ST3GAL6: variants seen among roughly 807,000 people sequenced by gnomAD.
The protein encoded by ST3GAL6 is type 2 lactosamine alpha-2,3-sialyltransferase.
ST3GAL6 carries 31 observed loss-of-function variants against 40.5 expected under a neutral mutation model. The ratio of observed to expected loss-of-function variants is 0.77; its 90% CI spans 0.58 to 1.03. The LOEUF (loss-of-function observed/expected upper bound fraction) is 1.03. Ranked by LOEUF, ST3GAL6 falls within the 50% of genes least tolerant of loss-of-function variation. The pLI is 0.00. For missense variants in ST3GAL6, 357 were observed against 393.2 expected (o/e 0.91, Z 0.78); for synonymous variants, 129 against 136.9 (o/e 0.94, Z 0.40).
chr3:98,782,682 C>T, intron 5 of ST3GAL6: 1 of 444,058 alleles, frequency 2.3e-6, no homozygotes, highest in Admixed American at 3.3e-5. Context: ...TACCATATTG[C>T]TGGTATTTCA....
At chr3:98,763,740 A>G (rs903830833) in intron 1 of ST3GAL6, among the ~76,000 whole-genome samples, 3 of 152,004 alleles carry the variant, frequency 2.0e-5, no homozygotes, top group East Asian at 1.9e-4. Flanking sequence ...GACTAAAAAA[A>G]AAAAAAAAAA....
At chr3:98,759,875 C>A (rs1937606164), upstream of ST3GAL6, among the ~76,000 whole-genome samples, 2 of 152,138 alleles carry the variant, frequency 1.3e-5, no homozygotes, top group South Asian at 4.2e-4. Flanking sequence ...TACATATTTT[C>A]CCTCAAAAAT....
At chr3:98,770,780 C>T in intron 2 of ST3GAL6, 99 bp from the exon 3 acceptor site, 2 of 992,926 alleles carry the variant, frequency 2.0e-6, no homozygotes, top group East Asian at 2.4e-5. Flanking sequence ...TGCCACAGAA[C>T]CTCTCAGTGG....
chr3:98,790,154 G>C (rs554937612), intron 8 of ST3GAL6, among the ~76,000 whole-genome samples: 1 of 152,264 alleles, frequency 6.6e-6, no homozygotes, highest in Admixed American at 6.5e-5. Context: ...GCAATAGTTG[G>C]AAGATGATAT....
intron 1 of ST3GAL6, among the ~76,000 whole-genome samples, chr3:98,740,104 G>A (rs1350310411): frequency 1.3e-5 from 2 of 152,066 alleles, no homozygotes; most frequent in East Asian, 3.9e-4. Flanking sequence ...ATAAATAATT[G>A]GATTTTTTGA....
upstream of ST3GAL6, among the ~76,000 whole-genome samples, chr3:98,761,367 G>A (rs1055722613): frequency 1.3e-5 from 2 of 152,162 alleles, no homozygotes; most frequent in Admixed American, 1.3e-4. Flanking sequence ...CAGCACTTTG[G>A]GAGGCCGAGG....
chr3:98,764,464 C>T (rs1311119836), intron 1 of ST3GAL6, among the ~76,000 whole-genome samples: 1 of 152,148 alleles, frequency 6.6e-6, no homozygotes, highest in Non-Finnish European at 1.5e-5. Flanking sequence ...GTATTATAAG[C>T]TTTACCTCCA....
chr3:98,775,119 A>G (rs1939398714), intron 5 of ST3GAL6, among the ~76,000 whole-genome samples: 2 of 152,174 alleles, frequency 1.3e-5, no homozygotes, highest in Admixed American at 6.5e-5. Context: ...TACACTTGGT[A>G]AATGCCAGAC....
chr3:98,752,461 T>A (rs1252282931), intron 1 of ST3GAL6, among the ~76,000 whole-genome samples: 1 of 151,812 alleles, frequency 6.6e-6, no homozygotes, highest in African/African-American at 2.4e-5. Flanking sequence ...TCTTTCTTTT[T>A]AAATTTTATT....
At chr3:98,734,622 G>T (rs1031374444) in intron 1 of ST3GAL6, among the ~76,000 whole-genome samples, 4 of 152,162 alleles carry the variant, frequency 2.6e-5, no homozygotes, top group Admixed American at 2.0e-4. Context: ...AAATGGGACT[G>T]CAATTTTGAC....
At chr3:98,753,669 A>G (rs142600528) in intron 1 of ST3GAL6, among the ~76,000 whole-genome samples, 1 of 152,334 alleles carries the variant, frequency 6.6e-6, no homozygotes, top group East Asian at 1.9e-4. Context: ...AACCCTTACA[A>G]ATTATGCTAA....
intron 1 of ST3GAL6, among the ~76,000 whole-genome samples, chr3:98,750,563 CT>C (rs34993293): frequency 0.12 from 17,580 of 142,636 alleles, 1,109 homozygotes; most frequent in Middle Eastern, 0.18. Flanking sequence ...CACTGGCATT[CT>C]TTTTTTTTTT....
intron 3 of ST3GAL6, chr3:98,772,285 A>T (rs1210815568): frequency 2.0e-5 from 3 of 152,600 alleles, no homozygotes; most frequent in Non-Finnish European, 4.4e-5. Flanking sequence ...AATTTGGAGA[A>T]GCTCTTCTGG....
intron 1 of ST3GAL6, among the ~76,000 whole-genome samples, chr3:98,741,793 C>T (rs1936111350): frequency 6.6e-6 from 1 of 152,054 alleles, no homozygotes; most frequent in Non-Finnish European, 1.5e-5. Context: ...GCTGTTGTCA[C>T]CAGAATATGA....
At chr3:98,753,406 A>G (rs72932625) in intron 1 of ST3GAL6, among the ~76,000 whole-genome samples, 128 of 152,358 alleles carry the variant, frequency 8.4e-4, no homozygotes, top group African/African-American at 3.0e-3. Flanking sequence ...AGTGTTAAAG[A>G]AGAGGCTGCA....
intron 5 of ST3GAL6, among the ~76,000 whole-genome samples, chr3:98,784,137 G>C (rs1007058944): frequency 1.3e-5 from 2 of 152,204 alleles, no homozygotes; most frequent in Admixed American, 6.5e-5. Context: ...GAGGGCCCTG[G>C]AAGGATAGCC....
upstream of ST3GAL6, chr3:98,762,769 G>C (rs1465031825): frequency 1.0e-6 from 1 of 983,200 alleles, no homozygotes; most frequent in African/African-American, 1.8e-5. Flanking sequence ...TCAAAGTGTG[G>C]GCTTTGAAAT....
chr3:98,752,533 G>A (rs1443501814), intron 1 of ST3GAL6, among the ~76,000 whole-genome samples: 2 of 151,804 alleles, frequency 1.3e-5, no homozygotes, highest in African/African-American at 2.4e-5. Flanking sequence ...GCGCAGTGAC[G>A]CCATCTTGGC....
At chr3:98,766,681 A>G (rs1282189382) in intron 1 of ST3GAL6, among the ~76,000 whole-genome samples, 1 of 152,150 alleles carries the variant, frequency 6.6e-6, no homozygotes, top group African/African-American at 2.4e-5. Context: ...TCAGCCTCCC[A>G]AAGTGCTGGG....
Sources: gnomAD v4.1 joint callset for allele counts (sites outside exome capture counted in the v4.1 genomes callset) on GRCh38, gnomAD v4.1.1 for gene constraint, MANE v1.5 for transcripts, NCBI Gene and HGNC (gene_info 2026-07-23, HGNC 2026-07-21) for gene names.